Variants in GABRA3 observed in about 807,000 individuals in gnomAD.
GABRA3 encodes the protein gamma-aminobutyric acid type A receptor subunit alpha3.
Under a neutral mutation model 30.1 loss-of-function variants are expected in GABRA3, and 10 were observed. The observed-to-expected ratio is 0.33, with a 90% CI of 0.20 to 0.56. The LOEUF (loss-of-function observed/expected upper bound fraction) is 0.56. Ranked by LOEUF, GABRA3 falls within the 20% of genes least tolerant of loss-of-function variation. The pLI is 0.89. For missense variants in GABRA3, 233 were observed against 392.0 expected (o/e 0.59, Z 3.42); for synonymous variants, 151 against 146.8 (o/e 1.03, Z -0.21).
chrX:152,185,157 G>T (rs746645552), intron 9 of GABRA3, among the ~76,000 whole-genome samples: 2 of 111,337 alleles, frequency 1.8e-5, no homozygotes, highest in East Asian at 5.6e-4. Context: ...CCCTTCCAAT[G>T]CACTTCAAAT....
At chrX:152,304,350 G>C (rs1939687954) in intron 3 of GABRA3, among the ~76,000 whole-genome samples, 1 of 112,059 alleles carries the variant, frequency 8.9e-6, no homozygotes, top group Non-Finnish European at 1.9e-5. Flanking sequence ...AATTGCTTTT[G>C]AGGACTTAGC....
Position 152,364,491 on chromosome X carries a change from G to A in GABRA3, c.80C>T (p.Thr27Ile). The A allele has an allele frequency of 8.3e-7, 1 of 1,207,730 alleles. No individual in the cohort carries two copies. Among genetic ancestry groups the A allele is most frequent in the Non-Finnish European group, 1.1e-6 (1 of 892,414 alleles). ...LFLINILPGT[T>I]GQGESRRQEP... Reference sequence around the variant, plus strand: ...TTGTCGTCTTGATTCCCCTTGACCAGTGGTTCCAGGGAGAATATTAATCAG... The same window carrying A: ...TTGTCGTCTTGATTCCCCTTGACCAATGGTTCCAGGGAGAATATTAATCAG... Residue 27 changes from threonine to isoleucine, a missense_variant, in exon 2 of 10, where the codon ACT (threonine) becomes ATT (isoleucine). Coordinates refer to ENST00000370314, the MANE Select transcript of GABRA3 (RefSeq NM_000808.4).
At chrX:152,415,603 A>T (rs1165535081) in intron 1 of GABRA3, among the ~76,000 whole-genome samples, 1 of 111,077 alleles carries the variant, frequency 9.0e-6, no homozygotes, top group Non-Finnish European at 1.9e-5. Flanking sequence ...AGAGACACAC[A>T]AAAAAGAGCA....
chrX:152,303,999 C>G (rs892074928), intron 3 of GABRA3, among the ~76,000 whole-genome samples: 4 of 112,110 alleles, frequency 3.6e-5, no homozygotes, highest in Admixed American at 2.8e-4. Context: ...AATAGCCATT[C>G]TAACTGGCGT....
chrX:152,373,802 G>A (rs1422717763), intron 1 of GABRA3, among the ~76,000 whole-genome samples: 2 of 83,838 alleles, frequency 2.4e-5, no homozygotes, highest in African/African-American at 4.6e-5. Flanking sequence ...AACAGGCCCC[G>A]GTGTGTGATG....
intron 6 of GABRA3, among the ~76,000 whole-genome samples, chrX:152,214,062 T>C (rs189328047): frequency 1.8e-5 from 2 of 111,480 alleles, no homozygotes; most frequent in African/African-American, 6.5e-5. Context: ...ATTTTTTCAA[T>C]CTTCACCCCC....
rs753498169 is a variant in GABRA3 at position 152,197,765 on chromosome X, T to C, written c.799A>G (p.Thr267Ala). 3 of 1,208,560 alleles carry C rather than the reference T, an allele frequency of 2.5e-6. No individual in the cohort carries two copies. In the South Asian group the frequency reaches 5.3e-5, roughly 21 times the overall value. ...ATTTTTCGCTTGAGATGGAAGTGGG[T>C]TGTCATGACGACATATTCTCCTAAA... The part of the protein sequence containing the change: ...SSTGEYVVMT[T>A]HFHLKRKIGY... The change falls in exon 8 of 10, where the codon ACC becomes GCC. Residue 267 changes from threonine to alanine, a missense_variant. This residue lies in a region of GABRA3 where 18 missense variants were observed against 16.4 expected (regional missense o/e 1.09). Coordinates refer to ENST00000370314, the MANE Select transcript of GABRA3 (RefSeq NM_000808.4).
At chrX:152,348,489 T>G in intron 2 of GABRA3, among the ~76,000 whole-genome samples, 1 of 111,842 alleles carries the variant, frequency 8.9e-6, no homozygotes, top group South Asian at 3.8e-4. Context: ...ATACACTATC[T>G]GAAGGTTATG....
At chrX:152,427,746 T>C (rs1156623133) in intron 1 of GABRA3, among the ~76,000 whole-genome samples, 1 of 112,148 alleles carries the variant, frequency 8.9e-6, no homozygotes, top group African/African-American at 3.2e-5. Context: ...ACTCAATAAA[T>C]AGATGCTAAA....
intron 2 of GABRA3, among the ~76,000 whole-genome samples, chrX:152,360,734 A>AAAT (rs1928470021): frequency 1.1e-5 from 1 of 89,800 alleles, no homozygotes; most frequent in African/African-American, 4.5e-5. Flanking sequence ...ATTAAAAAAA[A>AAAT]AAATTAAAAA....
chrX:152,185,265 CT>C (rs1225652416), intron 9 of GABRA3, among the ~76,000 whole-genome samples: 12 of 111,653 alleles, frequency 1.1e-4, no homozygotes, highest in East Asian at 5.6e-4. Flanking sequence ...TGCATTCCAT[CT>C]TTTTTTCAAT....
intron 1 of GABRA3, among the ~76,000 whole-genome samples, chrX:152,449,221 T>C (rs1475535968): frequency 1.8e-5 from 2 of 112,111 alleles, no homozygotes; most frequent in African/African-American, 3.2e-5. Context: ...TGGCTTATGA[T>C]GGGGAATACT....
chrX:152,354,292 T>G (rs767431121), intron 2 of GABRA3, among the ~76,000 whole-genome samples: 1 of 111,676 alleles, frequency 9.0e-6, no homozygotes, highest in East Asian at 2.8e-4. Flanking sequence ...GTCTCCATAT[T>G]TTATCTGCAA....
chrX:152,235,126 T>G (rs1402783617), intron 5 of GABRA3, among the ~76,000 whole-genome samples: 1 of 112,026 alleles, frequency 8.9e-6, no homozygotes, highest in Non-Finnish European at 1.9e-5. Flanking sequence ...CCCATTTCTT[T>G]GTGTCATTTA....
intron 3 of GABRA3, among the ~76,000 whole-genome samples, chrX:152,326,310 C>T (rs940446615): frequency 1.8e-5 from 2 of 111,688 alleles, no homozygotes; most frequent in Non-Finnish European, 3.8e-5. Context: ...ACTTCTCCAA[C>T]CTAGCAAGGC....
intron 1 of GABRA3, among the ~76,000 whole-genome samples, chrX:152,377,355 A>G (rs894513905): frequency 2.0e-4 from 22 of 111,578 alleles, no homozygotes; most frequent in African/African-American, 6.8e-4. Context: ...TAAATGAAAG[A>G]AATCGGGTGT....
At chrX:152,384,084 T>C (rs936299935) in intron 1 of GABRA3, among the ~76,000 whole-genome samples, 2 of 109,855 alleles carry the variant, frequency 1.8e-5, no homozygotes, top group Admixed American at 9.7e-5. Context: ...ATACTATGAA[T>C]GAACTACCCA....
intron 4 of GABRA3, among the ~76,000 whole-genome samples, chrX:152,272,882 G>A (rs1307027668): frequency 3.6e-5 from 4 of 110,912 alleles, no homozygotes; most frequent in African/African-American, 1.3e-4. Context: ...ATGTGAAGGG[G>A]GATGTGCTTG....
At chrX:152,190,253 A>C (rs2124347483) in intron 8 of GABRA3, among the ~76,000 whole-genome samples, 1 of 109,883 alleles carries the variant, frequency 9.1e-6, no homozygotes, top group South Asian at 4.0e-4. Flanking sequence ...AGAGCATTTT[A>C]ATTAGAAAAA....
Sources: allele counts gnomAD v4.1 joint callset (sites outside exome capture counted in the v4.1 genomes callset), GRCh38; gene constraint gnomAD v4.1.1; regional missense constraint gnomAD v4.1.1; transcripts MANE v1.5; gene names NCBI Gene and HGNC (gene_info 2026-07-23, HGNC 2026-07-21).